The following TAF8 variants were observed in gnomAD, a reference collection of about 807,000 sequenced individuals.
TAF8 encodes the protein TATA-box binding protein associated factor 8.
A neutral mutation model predicts 36.5 loss-of-function variants in TAF8; 47 were observed. That is an observed-to-expected ratio of 1.29 (90% CI 1.02 to 1.64). The LOEUF is 1.64. Among genes scored for constraint, TAF8 ranks in the 40% most tolerant of loss-of-function variants. TAF8 has a pLI of 0.00. For synonymous variants in TAF8, 175 were observed against 159.5 expected (o/e 1.10, Z -0.73); for missense variants, 420 against 407.6 (o/e 1.03, Z -0.26).
At chr6:42,056,937 G>A (rs922710406) in intron 4 of TAF8, among the ~76,000 whole-genome samples, 3 of 152,026 alleles carry the variant, frequency 2.0e-5, no homozygotes, top group Non-Finnish European at 4.4e-5. Context: ...CTTTTTTCTT[G>A]TTGGCATTTT....
Position 42,081,063 on chromosome 6 carries a change from A to G in TAF8, c.*3518A>G. 2.9e-6 allele frequency: 2 copies of G among 678,998 alleles called. No homozygotes were observed. Among genetic ancestry groups the G allele is most frequent in the Non-Finnish European group, 3.6e-6 (2 of 551,134 alleles). 42.1% of individuals were successfully genotyped at this position (678,998 alleles called of 1,614,324 possible). On this transcript the variant is annotated 3_prime_UTR_variant, in exon 9 of 9. Transcript: ENST00000372977. Reference sequence around the variant, plus strand: ...AATACAAAATTAGAGAGCAAAATATATGAACCCCTGTATATGCCTCATCAA... The same window carrying G: ...AATACAAAATTAGAGAGCAAAATATGTGAACCCCTGTATATGCCTCATCAA...
Position 42,050,752 on chromosome 6 carries a change from C to T in TAF8, c.45+166C>T, listed in dbSNP as rs1180613796. On this transcript the variant is annotated intron_variant, in intron 1 of 8. Coordinates refer to ENST00000372977, the MANE Select transcript of TAF8 (RefSeq NM_138572.3). The stretch of plus-strand genomic sequence containing the variant: ...GCGCCCCCTCCTTGGGACTTGGCTG[C>T]GGCCTCCGGAGTTGGCGGACCTGTG... The T allele has an allele frequency of 6.0e-6, 6 of 1,002,776 alleles. No individual in the cohort carries two copies. The Admixed American group carries it at 1.3e-4, about 22-fold the overall frequency. 62.1% of individuals were successfully genotyped at this position (1,002,776 alleles called of 1,614,324 possible).
chr6:42,075,947 C>T (rs1374591900), intron 7 of TAF8, among the ~76,000 whole-genome samples: 12 of 152,166 alleles, frequency 7.9e-5, no homozygotes, highest in Admixed American at 4.6e-4. Context: ...CGGTGGCTCA[C>T]GCCTGTAATC....
Position 42,051,446 on chromosome 6 carries a change from G to A in TAF8, c.135G>A (p.Leu45=). 6.2e-7 allele frequency: 1 copy of A among 1,614,122 alleles called. No individual in the cohort carries two copies. The highest frequency in any genetic ancestry group is 1.1e-5 in the South Asian group (1 of 91,082). The part of the protein sequence containing the change: ...RTLQVVVSSL[L]TEAGFESAEK... ...TGCAGGTGGTTGTGAGCTCCTTGCT[G>A]ACAGAGGCAGGGTTTGAGAGTGCCG... Residue 45 remains leucine (L), a synonymous_variant, in exon 2 of 9, where the codon CTG becomes CTA. Coordinates refer to ENST00000372977, the MANE Select transcript of TAF8 (RefSeq NM_138572.3).
rs868161378 is a variant in TAF8 at position 42,050,579 on chromosome 6, C to A, written c.38C>A (p.Ser13Tyr). 2.8e-5 allele frequency: 44 copies of A among 1,556,520 alleles called. 1 individual carries two copies. In the Middle Eastern group the frequency reaches 6.7e-4, roughly 24 times the overall value. ...DAAATAGAGG[S>Y]GTRSGSKQST... ...GCGGCCACAGCTGGGGCCGGTGGCT[C>A]CGGAACGGTAAGGGCAGGAAGCGCG... Residue 13 changes from serine (S) to tyrosine (Y), a missense_variant, in exon 1 of 9, where the codon TCC (serine) becomes TAC (tyrosine). Ser to Tyr is a moderately radical substitution (Grantham distance 144, BLOSUM62 -2). Transcript: ENST00000372977.
intron 2 of TAF8, among the ~76,000 whole-genome samples, chr6:42,054,990 C>T (rs182803482): frequency 1.1e-4 from 16 of 149,056 alleles, no homozygotes; most frequent in African/African-American, 3.5e-4. Flanking sequence ...AGTGCAATGG[C>T]ACAATCTCTG....
intron 7 of TAF8, among the ~76,000 whole-genome samples, chr6:42,069,632 A>G (rs1196711837): frequency 6.6e-6 from 1 of 152,190 alleles, no homozygotes; most frequent in African/African-American, 2.4e-5. Context: ...AGATGTGTTA[A>G]GTTTGAGATG....
At chr6:42,084,950 G>C (rs985945612), downstream of TAF8, among the ~76,000 whole-genome samples, 1 of 152,138 alleles carries the variant, frequency 6.6e-6, no homozygotes, top group Non-Finnish European at 1.5e-5. Flanking sequence ...GGATGAGTTG[G>C]GGCGTATTGC....
rs1765958876 is a variant in TAF8, at chr6:42,082,733, T to G, written c.*5188T>G. 6.6e-6 allele frequency: 1 copy of G among 152,200 alleles called. No individual in the cohort carries two copies. The allele number at this position is 152,200 out of a possible 1,614,324, so 9.4% of individuals were successfully genotyped here. A position where few individuals can be genotyped will look rare whatever the true frequency, so the allele number is the denominator to read the frequency against. On this transcript the variant is annotated 3_prime_UTR_variant, in exon 9 of 9. Coordinates refer to ENST00000372977, the MANE Select transcript of TAF8 (RefSeq NM_138572.3). Reference sequence around the variant, plus strand: ...GTGTGTATCAGTAGTTCCTTTCTTTTTATTGCTGAGTAGCATGGAGGCACC... The same window carrying G: ...GTGTGTATCAGTAGTTCCTTTCTTTGTATTGCTGAGTAGCATGGAGGCACC...
chr6:42,084,539 T>C (rs1473230074), downstream of TAF8, among the ~76,000 whole-genome samples: 1 of 152,160 alleles, frequency 6.6e-6, no homozygotes, highest in Non-Finnish European at 1.5e-5. Flanking sequence ...CTCGGCTCAC[T>C]GCAACCTCCG....
Position 42,082,078 on chromosome 6 carries a change from T to C in TAF8, c.*4533T>C, listed in dbSNP as rs1046057987. 3 of 152,232 alleles carry C rather than the reference T, an allele frequency of 2.0e-5. No individual in the cohort carries two copies. The highest frequency in any genetic ancestry group is 7.2e-5 in the African/African-American group (3 of 41,452). The allele number at this position is 152,232 out of a possible 1,614,324, so 9.4% of individuals were successfully genotyped here. A position where few individuals can be genotyped will look rare whatever the true frequency, so the allele number is the denominator to read the frequency against. ...GGTATATTAGTACAATGCATAGAGCTTATTTAGTTTTCACCATGTGCACGT... is the reference window on the plus strand; with the variant it reads ...GGTATATTAGTACAATGCATAGAGCCTATTTAGTTTTCACCATGTGCACGT... On this transcript the variant is annotated 3_prime_UTR_variant, in exon 9 of 9. Coordinates refer to ENST00000372977, the MANE Select transcript of TAF8 (RefSeq NM_138572.3).
At chr6:42,057,615 G>T in intron 5 of TAF8, 102 bp downstream of exon 5, 1 of 1,500,992 alleles carries the variant, frequency 6.7e-7, no homozygotes, top group Admixed American at 2.0e-5. Flanking sequence ...GTTGATGAAA[G>T]AGTGGTTCAA....
intron 4 of TAF8, 22 bp downstream of exon 4, chr6:42,056,036 T>C (rs746206880): frequency 6.5e-7 from 1 of 1,543,372 alleles, no homozygotes; most frequent in East Asian, 2.2e-5. Context: ...TGAACTGAGG[T>C]ACTTAGCAAT....
chr6:42,068,700 T>G (rs1765454009), intron 7 of TAF8, 93 bp downstream of exon 7: 1 of 1,506,226 alleles, frequency 6.6e-7, no homozygotes, highest in Non-Finnish European at 9.0e-7. Flanking sequence ...ATGATCGACC[T>G]CAGGTCTCTT....
intron 7 of TAF8, among the ~76,000 whole-genome samples, chr6:42,072,421 C>T (rs1765610453): frequency 6.6e-6 from 1 of 152,166 alleles, no homozygotes; most frequent in Non-Finnish European, 1.5e-5. Flanking sequence ...ACCCACTTTC[C>T]CTCCCACAGA....
At position 42,079,562 on chromosome 6, in the gene TAF8, G is replaced by A; in HGVS notation, c.*2017G>A. The A allele has an allele frequency of 1.0e-6, 1 of 985,156 alleles. No homozygotes were observed. Among genetic ancestry groups the A allele is most frequent in the Middle Eastern group, 5.2e-4 (1 of 1,914 alleles). The allele number at this position is 985,156 out of a possible 1,614,324, so 61.0% of individuals were successfully genotyped here. A position where few individuals can be genotyped will look rare whatever the true frequency, so the allele number is the denominator to read the frequency against. Reference sequence around the variant, plus strand: ...CATGTATTCCCCTTTGGCTTCCACAGTTCAACTCCTTTTATTTTGAGACAG... The same window carrying A: ...CATGTATTCCCCTTTGGCTTCCACAATTCAACTCCTTTTATTTTGAGACAG... On this transcript the variant is annotated 3_prime_UTR_variant, in exon 9 of 9. Transcript: ENST00000372977.
intron 4 of TAF8, among the ~76,000 whole-genome samples, chr6:42,057,130 C>G (rs897398140): frequency 1.3e-5 from 2 of 152,236 alleles, no homozygotes; most frequent in Non-Finnish European, 2.9e-5. Context: ...TACGTAGTTA[C>G]TGTGGCCACA....
chr6:42,086,355 G>C (rs769820086), downstream of TAF8, among the ~76,000 whole-genome samples: 24 of 152,224 alleles, frequency 1.6e-4, no homozygotes, highest in Non-Finnish European at 2.8e-4. Context: ...TATTATGATT[G>C]AGGTGAGCTT....
Position 42,079,599 on chromosome 6 carries a change from G to A in TAF8, c.*2054G>A, listed in dbSNP as rs1765858802. Reference sequence around the variant, plus strand: ...TTATTTTGAGACAGGGTCTCGCTGTGTCGCCCCAGCTGGAGTATAGTGGCA... The same window carrying A: ...TTATTTTGAGACAGGGTCTCGCTGTATCGCCCCAGCTGGAGTATAGTGGCA... On this transcript the variant is annotated 3_prime_UTR_variant, in exon 9 of 9. Transcript: ENST00000372977. The A allele has an allele frequency of 1.0e-6, 1 of 981,374 alleles. No homozygotes were observed. The highest frequency in any genetic ancestry group is 1.8e-5 in the African/African-American group (1 of 57,090). 60.8% of individuals were successfully genotyped at this position (981,374 alleles called of 1,614,324 possible).
Sources: allele counts gnomAD v4.1 joint callset (sites outside exome capture counted in the v4.1 genomes callset), GRCh38; gene constraint gnomAD v4.1.1; transcripts MANE v1.5; gene names NCBI Gene and HGNC (gene_info 2026-07-23, HGNC 2026-07-21).